Variants in DLGAP1 observed in about 807,000 individuals in gnomAD.
The protein encoded by DLGAP1 is disks large-associated protein 1.
In DLGAP1, 11 loss-of-function variants were observed where a neutral mutation model predicts 90.8. The ratio of observed to expected loss-of-function variants is 0.12; its 90% CI spans 0.08 to 0.20. DLGAP1 has a LOEUF of 0.20. Among genes scored for constraint, DLGAP1 ranks in the 10% least tolerant of loss-of-function variants. The pLI, the probability that DLGAP1 is intolerant of heterozygous loss-of-function variation, is 1.00. For missense variants in DLGAP1, 1,050 were observed against 1,333.8 expected, an observed-to-expected ratio of 0.79 and a Z score of 3.31; for synonymous variants, 558 against 540.7, an observed-to-expected ratio of 1.03 and a Z score of -0.44.
At chr18:3,512,888 A>C (rs573905321) in intron 10 of DLGAP1, among the ~76,000 whole-genome samples, 1 of 152,308 alleles carries the variant, frequency 6.6e-6, no homozygotes, top group South Asian at 2.1e-4. Context: ...AACACTTAAC[A>C]TGAAATCTAC....
intron 1 of DLGAP1, among the ~76,000 whole-genome samples, chr18:4,376,099 A>G (rs1598311158): frequency 3.9e-5 from 6 of 152,296 alleles, no homozygotes; most frequent in Admixed American, 3.3e-4. Context: ...TTGATGATAG[A>G]AAGTATCAAA....
intron 2 of DLGAP1, among the ~76,000 whole-genome samples, chr18:4,006,648 C>CTT (rs148340836): frequency 9.2e-5 from 13 of 141,316 alleles, no homozygotes; most frequent in Admixed American, 4.9e-4. Context: ...CAACCCCTGG[C>CTT]TTTTTTTTTT....
At chr18:4,129,345 G>A (rs1215104689) in intron 2 of DLGAP1, among the ~76,000 whole-genome samples, 1 of 151,868 alleles carries the variant, frequency 6.6e-6, no homozygotes, top group Non-Finnish European at 1.5e-5. Context: ...TAATAGTTTG[G>A]GCAAGCATAT....
At chr18:3,957,187 G>T (rs190051882) in intron 3 of DLGAP1, among the ~76,000 whole-genome samples, 4 of 152,196 alleles carry the variant, frequency 2.6e-5, no homozygotes, top group African/African-American at 9.7e-5. Context: ...AAGAACAAGA[G>T]AGTCAGAGCC....
chr18:3,715,616 C>T lies in DLGAP1; in HGVS notation c.1591+13519G>A, dbSNP rs549811610. Among the ~76,000 whole-genome samples the T allele has an allele frequency of 3.9e-5, 6 of 152,290 alleles. No individual in the cohort carries two copies. The South Asian group carries it at 1.0e-3, about 26-fold the overall frequency. On this transcript the variant is annotated intron_variant, in intron 7 of 12. Coordinates refer to ENST00000315677, the MANE Select transcript of DLGAP1 (RefSeq NM_004746.4). ...TTTTCCTATTTTCGAGAGCACTTTC[C>T]CTTTCTGAAAACACAGATGGTTTAC...
chr18:3,828,418 T>C (rs1051600847), intron 4 of DLGAP1, among the ~76,000 whole-genome samples: 1 of 151,934 alleles, frequency 6.6e-6, no homozygotes, highest in Non-Finnish European at 1.5e-5. Flanking sequence ...GGCGGGAGGC[T>C]TGCTTGAGCC....
intron 4 of DLGAP1, among the ~76,000 whole-genome samples, chr18:3,872,738 G>A (rs1424588547): frequency 6.6e-6 from 1 of 152,160 alleles, no homozygotes; most frequent in East Asian, 1.9e-4. Flanking sequence ...TAGAGACTGT[G>A]GGTGAATAGT....
In DLGAP1 at chr18:3,880,022, C is replaced by T. The variant is rs1490277680; in HGVS notation, c.47G>A (p.Cys16Tyr). The change falls in exon 4 of 13, where the codon TGC becomes TAC. Residue 16 changes from cysteine to tyrosine, a missense_variant. Cys to Tyr is a radical substitution (Grantham distance 194). Coordinates refer to ENST00000315677, the MANE Select transcript of DLGAP1 (RefSeq NM_004746.4). ...GSRSHHHGVT[C>Y]DSACDSLSHH... ...CGACAGCGAGTCACAGGCCGAGTCG[C>T]AGGTGACCCCGTGGTGATGGCTGCG... The T allele has an allele frequency of 8.7e-6, 14 of 1,607,644 alleles. No homozygotes were observed. Among genetic ancestry groups the T allele is most frequent in the Non-Finnish European group, 1.1e-5 (13 of 1,179,860 alleles).
At chr18:3,698,070 T>C (rs1324738268) in intron 7 of DLGAP1, among the ~76,000 whole-genome samples, 1 of 152,232 alleles carries the variant, frequency 6.6e-6, no homozygotes, top group Non-Finnish European at 1.5e-5. Flanking sequence ...ATTTTGAGCC[T>C]ATGTGTGTCT....
At chr18:4,135,310 G>T (rs546904120) in intron 2 of DLGAP1, among the ~76,000 whole-genome samples, 1 of 152,120 alleles carries the variant, frequency 6.6e-6, no homozygotes, top group East Asian at 1.9e-4. Flanking sequence ...TGTTGTTTTG[G>T]AAATAAAGGG....
intron 3 of DLGAP1, among the ~76,000 whole-genome samples, chr18:3,914,298 G>C (rs953443289): frequency 3.3e-5 from 5 of 152,138 alleles, no homozygotes; most frequent in African/African-American, 1.2e-4. Flanking sequence ...AAGTGAGGTC[G>C]TGCAGTATTT....
At chr18:4,032,459 A>G (rs1019167795) in intron 2 of DLGAP1, among the ~76,000 whole-genome samples, 1 of 152,182 alleles carries the variant, frequency 6.6e-6, no homozygotes, top group Non-Finnish European at 1.5e-5. Context: ...AAATAAGAAA[A>G]CAAGACATAA....
intron 1 of DLGAP1, among the ~76,000 whole-genome samples, chr18:4,236,203 G>T (rs888549846): frequency 6.6e-6 from 1 of 152,136 alleles, no homozygotes; most frequent in Admixed American, 6.5e-5. Context: ...ATAGGATTTT[G>T]TGAGGTTTCA....
chr18:3,600,899 T>TAGATATATAGATAG (rs1568279154), intron 7 of DLGAP1, among the ~76,000 whole-genome samples: 2 of 131,126 alleles, frequency 1.5e-5, no homozygotes, highest in African/African-American at 5.6e-5. Flanking sequence ...TATAGATATA[T>TAGATATATAGATAG]ATAGATATAT....
intron 9 of DLGAP1, among the ~76,000 whole-genome samples, chr18:3,543,627 T>C (rs1330423487): frequency 6.6e-6 from 1 of 152,216 alleles, no homozygotes; most frequent in Non-Finnish European, 1.5e-5. Flanking sequence ...CTTACTATAT[T>C]ATCTGAAACA....
intron 1 of DLGAP1, among the ~76,000 whole-genome samples, chr18:4,436,754 T>C (rs907738261): frequency 6.6e-6 from 1 of 152,254 alleles, no homozygotes; most frequent in Admixed American, 6.5e-5. Context: ...CTTCTTGGAT[T>C]CAGCAAGACA....
intron 3 of DLGAP1, among the ~76,000 whole-genome samples, chr18:3,949,964 T>C (rs1051148094): frequency 6.6e-6 from 1 of 152,214 alleles, no homozygotes; most frequent in Non-Finnish European, 1.5e-5. Flanking sequence ...TGGTAGGTGC[T>C]AGGAAAAACA....
chr18:3,999,755 C>G (rs1245407905), intron 3 of DLGAP1, among the ~76,000 whole-genome samples: 1 of 152,138 alleles, frequency 6.6e-6, no homozygotes, highest in South Asian at 2.1e-4. Context: ...GTCTGAGAAG[C>G]ACTTGCCTAC....
chr18:3,564,198 T>G (rs2054306549), intron 9 of DLGAP1, among the ~76,000 whole-genome samples: 1 of 152,234 alleles, frequency 6.6e-6, no homozygotes, highest in Admixed American at 6.5e-5. Flanking sequence ...AGTAATGTAC[T>G]GGTAAGGTGT....
Sources: gnomAD v4.1 joint callset for allele counts (sites outside exome capture counted in the v4.1 genomes callset) on GRCh38, gnomAD v4.1.1 for gene constraint, MANE v1.5 for transcripts, NCBI Gene and HGNC (gene_info 2026-07-23, HGNC 2026-07-21) for gene names.